Variants in NECAB1 observed in about 807,000 individuals in gnomAD.
The protein encoded by NECAB1 is N-terminal EF-hand calcium-binding protein 1.
Under a neutral mutation model 57.5 loss-of-function variants are expected in NECAB1, and 29 were observed. The observed-to-expected ratio is 0.50, with a 90% CI of 0.38 to 0.69. The LOEUF is 0.69. NECAB1 is among the 30% of genes least tolerant of loss of function. The pLI is 0.00. For synonymous variants in NECAB1, 142 were observed against 147.7 expected (o/e 0.96, Z 0.28); for missense variants, 372 against 413.8 (o/e 0.90, Z 0.88).
intron 12 of NECAB1, among the ~76,000 whole-genome samples, chr8:90,954,819 TTATA>T (rs1810990200): frequency 6.7e-6 from 1 of 148,806 alleles, no homozygotes. Context: ...TATATGTATA[TTATA>T]TATTATACAT....
At chr8:90,797,638 G>A (rs2130640025) in intron 1 of NECAB1, among the ~76,000 whole-genome samples, 1 of 152,218 alleles carries the variant, frequency 6.6e-6, no homozygotes, top group African/African-American at 2.4e-5. Context: ...GTGCTAGTGG[G>A]GCATCCTCTT....
chr8:90,798,157 G>A lies in NECAB1; in HGVS notation c.100-3534G>A, dbSNP rs566042198. 6.1e-4 allele frequency among the ~76,000 whole-genome samples: 93 copies of A among 152,216 alleles called. 1 individual carries two copies. The highest frequency in any genetic ancestry group is 2.1e-3 in the African/African-American group (86 of 41,534). Reference sequence around the variant, plus strand: ...CCAATACCTGACTCTTTGATCATGTGGTCTCTATCCTCTATCTCTGCATCT... The same window carrying A: ...CCAATACCTGACTCTTTGATCATGTAGTCTCTATCCTCTATCTCTGCATCT... On this transcript the variant is annotated intron_variant, in intron 1 of 12. Transcript: ENST00000417640.
intron 5 of NECAB1, among the ~76,000 whole-genome samples, chr8:90,888,118 A>T (rs776928636): frequency 1.6e-4 from 25 of 152,196 alleles, no homozygotes; most frequent in Non-Finnish European, 3.4e-4. Context: ...TCACGTACCT[A>T]TAATTTCAAA....
At chr8:90,818,614 C>G (rs1812094779) in intron 2 of NECAB1, among the ~76,000 whole-genome samples, 2 of 152,016 alleles carry the variant, frequency 1.3e-5, no homozygotes, top group African/African-American at 4.8e-5. Flanking sequence ...CCTTAGCCCT[C>G]TATAGCAGAG....
intron 2 of NECAB1, among the ~76,000 whole-genome samples, chr8:90,811,951 C>T (rs531837107): frequency 1.3e-5 from 2 of 152,202 alleles, no homozygotes; most frequent in African/African-American, 4.8e-5. Flanking sequence ...TATACACACC[C>T]CCAGAGATGA....
chr8:90,911,332 A>G (rs939967063), intron 5 of NECAB1, among the ~76,000 whole-genome samples: 4 of 152,178 alleles, frequency 2.6e-5, no homozygotes, highest in African/African-American at 7.2e-5. Flanking sequence ...AAGATGTTCT[A>G]TAGGAGGATA....
intron 5 of NECAB1, among the ~76,000 whole-genome samples, chr8:90,889,807 G>C (rs1809110774): frequency 6.6e-6 from 1 of 152,328 alleles, no homozygotes; most frequent in South Asian, 2.1e-4. Flanking sequence ...CACTTTGGGA[G>C]GCCTAAGTGG....
Position 90,918,836 on chromosome 8 carries a change from G to A in NECAB1, c.494+1208G>A, listed in dbSNP as rs557073915. On this transcript the variant is annotated intron_variant, in intron 6 of 12. Transcript: ENST00000417640. ...CATTCATACCTCCCACTTCACTACC[G>A]TGTATTCCTATAGTGCCCCCTATTT... 2.6e-5 allele frequency among the ~76,000 whole-genome samples: 4 copies of A among 151,692 alleles called. No homozygotes were observed. In the East Asian group the frequency reaches 5.8e-4, roughly 22 times the overall value.
chr8:90,876,365 G>A (rs1420093435), intron 4 of NECAB1, among the ~76,000 whole-genome samples: 1 of 152,054 alleles, frequency 6.6e-6, no homozygotes. Flanking sequence ...GAACATGCGG[G>A]TTTTAACACT....
intron 3 of NECAB1, among the ~76,000 whole-genome samples, chr8:90,837,569 A>G (rs1382889644): frequency 2.0e-5 from 3 of 152,248 alleles, no homozygotes; most frequent in Non-Finnish European, 2.9e-5. Flanking sequence ...CGAAAAGTGA[A>G]ACATTGGAGA....
intron 4 of NECAB1, among the ~76,000 whole-genome samples, chr8:90,872,976 T>G (rs2129849646): frequency 6.6e-6 from 1 of 152,258 alleles, no homozygotes; most frequent in African/African-American, 2.4e-5. Context: ...TCTTACAGTT[T>G]CAGAATTTAC....
intron 1 of NECAB1, among the ~76,000 whole-genome samples, chr8:90,793,909 A>G (rs1005142658): frequency 1.3e-5 from 2 of 152,202 alleles, no homozygotes; most frequent in Non-Finnish European, 2.9e-5. Flanking sequence ...TTAAAATTTC[A>G]TTTTTTATTA....
At chr8:90,950,227 G>GA (rs1446223017) in intron 11 of NECAB1, among the ~76,000 whole-genome samples, 1 of 151,818 alleles carries the variant, frequency 6.6e-6, no homozygotes, top group East Asian at 1.9e-4. Context: ...AGTGAGGTGG[G>GA]AAAAAAAGCT....
chr8:90,907,188 G>GAGAGAGAGA lies in NECAB1; in HGVS notation c.358-10303_358-10302insGAGAGAGAA, dbSNP rs370070496. The stretch of plus-strand genomic sequence containing the variant: ...AGAGAGAGAGAGAGAGAGAGAGAGA[G>GAGAGAGAGA]AATTAGTAGACTGCATTGTTTTAGC... On this transcript the variant is annotated intron_variant, in intron 5 of 12. Transcript: ENST00000417640. 2.8e-3 allele frequency among the ~76,000 whole-genome samples: 405 copies of GAGAGAGAGA among 142,316 alleles called. 2 individuals carry two copies. Among genetic ancestry groups the GAGAGAGAGA allele is most frequent in the African/African-American group, 9.5e-3 (327 of 34,532 alleles). The allele number at this position is 142,316 out of a possible 152,430, so 93.4% of individuals were successfully genotyped here.
chr8:90,823,384 A>T (rs1314352131), intron 2 of NECAB1, among the ~76,000 whole-genome samples: 1 of 145,032 alleles, frequency 6.9e-6, no homozygotes. Context: ...TTTTGCAAAT[A>T]AGGATTTTTT....
Position 90,928,234 on chromosome 8 carries a change from G to A in NECAB1, c.628G>A (p.Glu210Lys), listed in dbSNP as rs778282503. 1.2e-6 allele frequency: 2 copies of A among 1,608,558 alleles called. No homozygotes were observed. Among genetic ancestry groups the A allele is most frequent in the African/African-American group, 1.3e-5 (1 of 74,646 alleles). The change falls in exon 8 of 13, where the codon GAA becomes AAA. Residue 210 changes from glutamate to lysine, a missense_variant. Glu to Lys is a moderately conservative substitution (Grantham distance 56). Transcript: ENST00000417640. ...FNVSGPGLLEEDNQWMTQINR... is the reference protein window; with the variant it reads ...FNVSGPGLLEKDNQWMTQINR... ...CCCCCTGGCCCCAGGCTTATTAGAA[G>A]AAGACAACCAGTGGATGACCCAGAT...
intron 5 of NECAB1, among the ~76,000 whole-genome samples, chr8:90,887,315 T>C (rs1809029017): frequency 1.3e-5 from 2 of 152,232 alleles, no homozygotes; most frequent in Non-Finnish European, 2.9e-5. Context: ...TTTCAAATTA[T>C]ACTTCATTAC....
intron 3 of NECAB1, among the ~76,000 whole-genome samples, chr8:90,866,087 T>C (rs929134632): frequency 2.0e-5 from 3 of 152,208 alleles, no homozygotes; most frequent in Non-Finnish European, 4.4e-5. Flanking sequence ...ATTCTTCTAA[T>C]CTCCCAATTC....
intron 4 of NECAB1, among the ~76,000 whole-genome samples, chr8:90,875,248 G>A (rs952309129): frequency 5.3e-5 from 8 of 151,776 alleles, no homozygotes; most frequent in East Asian, 1.9e-4. Flanking sequence ...TTGGGAGGCC[G>A]AGGCGGGTGG....
Sources: allele counts gnomAD v4.1 joint callset (sites outside exome capture counted in the v4.1 genomes callset), GRCh38; gene constraint gnomAD v4.1.1; transcripts MANE v1.5; gene names NCBI Gene and HGNC (gene_info 2026-07-23, HGNC 2026-07-21).